PAWR: variants seen among roughly 807,000 people sequenced by gnomAD.
The protein encoded by PAWR is PRKC apoptosis WT1 regulator protein.
Under a neutral mutation model 32.0 loss-of-function variants are expected in PAWR, and 23 were observed. The observed-to-expected ratio is 0.72, with a 90% CI of 0.52 to 1.02. The LOEUF (loss-of-function observed/expected upper bound fraction) is 1.02. Among genes scored for constraint, PAWR ranks in the 50% least tolerant of loss-of-function variants. PAWR has a pLI of 0.00. For missense variants in PAWR, 457 were observed against 437.7 expected (o/e 1.04, Z -0.39); for synonymous variants, 226 against 187.1 (o/e 1.21, Z -1.70).
chr12:79,654,699 G>A (rs1020827419), intron 2 of PAWR, among the ~76,000 whole-genome samples: 1 of 152,176 alleles, frequency 6.6e-6, no homozygotes, highest in African/African-American at 2.4e-5. Flanking sequence ...GGAGGAAGGC[G>A]AAGCAGGCAC....
chr12:79,672,295 C>T (rs562960331), intron 2 of PAWR, among the ~76,000 whole-genome samples: 9 of 152,320 alleles, frequency 5.9e-5, no homozygotes, highest in African/African-American at 2.2e-4. Flanking sequence ...AAACTCCAAA[C>T]TCTACCATGA....
intron 2 of PAWR, among the ~76,000 whole-genome samples, chr12:79,638,732 C>T (rs1239440617): frequency 1.3e-5 from 2 of 148,602 alleles, no homozygotes; most frequent in Non-Finnish European, 3.0e-5. Context: ...GGGTTCATAC[C>T]CAGGGACTCT....
intron 2 of PAWR, among the ~76,000 whole-genome samples, chr12:79,657,763 C>G (rs572215189): frequency 6.6e-6 from 1 of 151,696 alleles, no homozygotes; most frequent in African/African-American, 2.4e-5. Context: ...CACTGCACCC[C>G]AGCCTGGGCC....
intron 5 of PAWR, 126 bp downstream of exon 5, chr12:79,596,385 T>C (rs781689484): frequency 1.4e-5 from 8 of 561,436 alleles, no homozygotes; most frequent in South Asian, 2.9e-5. Context: ...AAGGTAACAG[T>C]TGGCAGAAAA....
chr12:79,657,932 A>G (rs912853029), intron 2 of PAWR, among the ~76,000 whole-genome samples: 1 of 152,184 alleles, frequency 6.6e-6, no homozygotes, highest in Admixed American at 6.5e-5. Flanking sequence ...GCGTCATTGA[A>G]GCAAAGGGGG....
chr12:79,631,495 T>C (rs932894376), intron 2 of PAWR, among the ~76,000 whole-genome samples: 2 of 152,150 alleles, frequency 1.3e-5, no homozygotes, highest in African/African-American at 4.8e-5. Flanking sequence ...AAAAATCAAT[T>C]GTATTTTTAT....
At position 79,656,509 on chromosome 12, in the gene PAWR, A is replaced by G. The variant is rs562730776; in HGVS notation, c.516+33220T>C. On this transcript the variant is annotated intron_variant, in intron 2 of 6. Coordinates refer to ENST00000328827, the MANE Select transcript of PAWR (RefSeq NM_002583.4). ...ACATTTGTGGCAATGACTTGGAAAA[A>G]CTAGGTAGATGGTGCTACTACTCAC... Among the ~76,000 whole-genome samples the G allele has an allele frequency of 2.6e-5, 4 of 152,282 alleles. No individual in the cohort carries two copies. The East Asian group carries it at 7.7e-4, about 29-fold the overall frequency.
chr12:79,608,301 G>C (rs992206398), intron 4 of PAWR, among the ~76,000 whole-genome samples: 6 of 152,164 alleles, frequency 3.9e-5, no homozygotes, highest in African/African-American at 1.4e-4. Context: ...CCAAGGACCA[G>C]GGGGATGGCA....
chr12:79,641,801 C>T (rs938230315), intron 2 of PAWR, among the ~76,000 whole-genome samples: 42 of 126,572 alleles, frequency 3.3e-4, no homozygotes, highest in African/African-American at 1.0e-3. Flanking sequence ...GAGCCGAGAT[C>T]GCACCACTGT....
chr12:79,640,790 G>A (rs1262511486), intron 2 of PAWR, among the ~76,000 whole-genome samples: 5 of 152,158 alleles, frequency 3.3e-5, no homozygotes, highest in Non-Finnish European at 1.5e-5. Context: ...TCCCTGGCAT[G>A]TAAAAGAGAA....
Position 79,689,985 on chromosome 12 carries a change from C to G in PAWR, c.260G>C (p.Gly87Ala), listed in dbSNP as rs1244026616. ...APAAPAVPGPGGVNCAVGSAM... is the reference protein window; with the variant it reads ...APAAPAVPGPAGVNCAVGSAM... ...GGAGCCGACCGCGCAGTTCACGCCC[C>G]CGGGACCGGGGACGGCAGGTGCGGC... is the stretch of plus-strand genomic sequence containing the variant. The change falls in exon 2 of 7, where the codon GGG (glycine) becomes GCG (alanine). Residue 87 changes from glycine (G) to alanine (A), a missense_variant. Physicochemically the swap from Gly to Ala is moderately conservative, Grantham distance 60. Transcript: ENST00000328827. 7.6e-7 allele frequency: 1 copy of G among 1,320,956 alleles called. No individual in the cohort carries two copies. The highest frequency in any genetic ancestry group is 9.6e-7 in the Non-Finnish European group (1 of 1,041,744). 81.8% of individuals were successfully genotyped at this position (1,320,956 alleles called of 1,614,324 possible).
chr12:79,688,137 T>C (rs1454086329), intron 2 of PAWR, among the ~76,000 whole-genome samples: 1 of 152,050 alleles, frequency 6.6e-6, no homozygotes, highest in Non-Finnish European at 1.5e-5. Context: ...TATGTTCTCT[T>C]ACTCAAAGCA....
At chr12:79,612,194 A>G (rs1874471282) in intron 4 of PAWR, among the ~76,000 whole-genome samples, 1 of 152,164 alleles carries the variant, frequency 6.6e-6, no homozygotes. Flanking sequence ...AGGTTTCATT[A>G]TACCTACATC....
At chr12:79,607,498 A>G (rs1383548027) in intron 4 of PAWR, among the ~76,000 whole-genome samples, 2 of 152,118 alleles carry the variant, frequency 1.3e-5, no homozygotes, top group African/African-American at 4.8e-5. Context: ...GGAGGCCAAG[A>G]CAGGCAGATC....
chr12:79,690,254 G>A lies in PAWR; in HGVS notation c.-10C>T. The A allele has an allele frequency of 6.7e-7, 1 of 1,492,770 alleles. No homozygotes were observed. The highest frequency in any genetic ancestry group is 1.2e-5 in the South Asian group (1 of 80,670). 92.5% of individuals were successfully genotyped at this position (1,492,770 alleles called of 1,614,324 possible). ...AGCCACCGGTCGCCATATTCCCAAA[G>A]GGGCCGGTCGGGCTCTCACCTCAGG... On this transcript the variant is annotated 5_prime_UTR_variant, in exon 2 of 7. Transcript: ENST00000328827.
intron 2 of PAWR, among the ~76,000 whole-genome samples, chr12:79,657,812 T>G (rs563938540): frequency 6.6e-6 from 1 of 151,108 alleles, no homozygotes; most frequent in Non-Finnish European, 1.5e-5. Context: ...AAAAAGATTC[T>G]CAAGGAGGAC....
intron 4 of PAWR, among the ~76,000 whole-genome samples, chr12:79,603,085 A>T (rs1874024618): frequency 6.6e-6 from 1 of 150,914 alleles, no homozygotes; most frequent in African/African-American, 2.5e-5. Flanking sequence ...CTATAAAATT[A>T]AAAAAATAAA....
At position 79,689,808 on chromosome 12, in the gene PAWR, T is replaced by C. The variant is rs778142214; in HGVS notation, c.437A>G (p.Lys146Arg). 1 of 1,594,864 alleles carries C rather than the reference T, an allele frequency of 6.3e-7. No homozygotes were observed. The highest frequency in any genetic ancestry group is 8.5e-7 in the Non-Finnish European group (1 of 1,171,650). ...KGKSSGPSAR[K>R]GKGQIEKRKL... Reference sequence around the variant, plus strand: ...CCTCTTCTCGATCTGCCCCTTGCCTTTCCTGGCACTGGGGCCCGAGCTCTT... The same window carrying C: ...CCTCTTCTCGATCTGCCCCTTGCCTCTCCTGGCACTGGGGCCCGAGCTCTT... Residue 146 changes from lysine to arginine, a missense_variant, in exon 2 of 7, where the codon AAA becomes AGA. By Grantham distance (26) the Lys-to-Arg change is conservative. Coordinates refer to ENST00000328827, the MANE Select transcript of PAWR (RefSeq NM_002583.4).
chr12:79,687,267 T>C (rs1878726111), intron 2 of PAWR, among the ~76,000 whole-genome samples: 1 of 152,158 alleles, frequency 6.6e-6, no homozygotes, highest in Non-Finnish European at 1.5e-5. Context: ...ATAACTATCT[T>C]CTAGTCAATT....
Sources: allele counts gnomAD v4.1 joint callset (sites outside exome capture counted in the v4.1 genomes callset), GRCh38; gene constraint gnomAD v4.1.1; transcripts MANE v1.5; gene names NCBI Gene and HGNC (gene_info 2026-07-23, HGNC 2026-07-21).